Variants in NAA15 observed in about 807,000 individuals in gnomAD.
NAA15 encodes the protein N-alpha-acetyltransferase 15, NatA auxiliary subunit.
Under a neutral mutation model 114.0 loss-of-function variants are expected in NAA15, and 34 were observed. The observed-to-expected ratio is 0.30, with a 90% CI of 0.23 to 0.40. The LOEUF is 0.40. Ranked by LOEUF, NAA15 falls within the 10% of genes least tolerant of loss-of-function variation. The pLI, the probability that NAA15 is intolerant of heterozygous loss-of-function variation, is 1.00. For synonymous variants in NAA15, 340 were observed against 338.0 expected (o/e 1.01, Z -0.06); for missense variants, 658 against 1,004.5 (o/e 0.66, Z 4.66).
chr4:139,325,158 A>G (rs1746755002), intron 1 of NAA15, among the ~76,000 whole-genome samples: 1 of 151,872 alleles, frequency 6.6e-6, no homozygotes, highest in South Asian at 2.1e-4. Context: ...TTTGGAGGGG[A>G]TTATCTAGTT....
At chr4:139,371,507 A>G (rs1337798090) in intron 15 of NAA15, among the ~76,000 whole-genome samples, 9 of 126,666 alleles carry the variant, frequency 7.1e-5, no homozygotes, top group African/African-American at 4.2e-4. Flanking sequence ...GCACACACAC[A>G]CACACACACA....
chr4:139,329,467 G>T lies in NAA15; in HGVS notation c.55-4707G>T, dbSNP rs558440849. Among the ~76,000 whole-genome samples the T allele has an allele frequency of 5.9e-5, 9 of 152,206 alleles. No homozygotes were observed. The South Asian group carries it at 1.2e-3, about 21-fold the overall frequency. On this transcript the variant is annotated intron_variant, in intron 1 of 19. Transcript: ENST00000296543. ...AAGAGTGGTGTTGGACTTTGTTGTG[G>T]TGCACAGTGAAGATGCTTGTCTGTC... is the stretch of plus-strand genomic sequence containing the variant.
chr4:139,311,274 G>C (rs146931719), intron 1 of NAA15, among the ~76,000 whole-genome samples: 1 of 151,996 alleles, frequency 6.6e-6, no homozygotes, highest in Non-Finnish European at 1.5e-5. Flanking sequence ...GTCTGTTAAT[G>C]GCTCTATTCA....
chr4:139,380,223 G>A (rs889597994), intron 17 of NAA15, among the ~76,000 whole-genome samples: 2 of 150,540 alleles, frequency 1.3e-5, no homozygotes, highest in South Asian at 4.3e-4. Context: ...GGAGAGAATT[G>A]CTGTATTTAG....
chr4:139,353,232 T>C (rs776294405), intron 9 of NAA15, among the ~76,000 whole-genome samples: 6 of 152,214 alleles, frequency 3.9e-5, no homozygotes, highest in Non-Finnish European at 8.8e-5. Context: ...GATTCAAAGA[T>C]GTTTGAGAAA....
intron 1 of NAA15, among the ~76,000 whole-genome samples, chr4:139,327,202 G>T (rs1224196081): frequency 6.6e-6 from 1 of 152,054 alleles, no homozygotes; most frequent in African/African-American, 2.4e-5. Context: ...CTTCCAAAGT[G>T]TTGCAATTAT....
At chr4:139,356,733 G>A (rs1046014332) in intron 10 of NAA15, 1 of 151,882 alleles carries the variant, frequency 6.6e-6, no homozygotes, top group Admixed American at 6.6e-5. Context: ...TTAACGTGTG[G>A]GTTGTATATT....
At chr4:139,341,191 C>A in intron 4 of NAA15, 122 bp downstream of exon 4, 1 of 666,084 alleles carries the variant, frequency 1.5e-6, no homozygotes, top group Non-Finnish European at 2.3e-6. Context: ...TTTTTTTTTC[C>A]TCCTACCACA....
At chr4:139,372,047 C>T (rs1187421391) in intron 15 of NAA15, among the ~76,000 whole-genome samples, 1 of 152,150 alleles carries the variant, frequency 6.6e-6, no homozygotes, top group Non-Finnish European at 1.5e-5. Flanking sequence ...TCCCAAGTAG[C>T]TGGGACTACA....
At chr4:139,355,715 G>A (rs1747928689) in intron 10 of NAA15, among the ~76,000 whole-genome samples, 2 of 152,128 alleles carry the variant, frequency 1.3e-5, no homozygotes, top group Admixed American at 1.3e-4. Context: ...TAATGGACAG[G>A]TCCAACTAGA....
chr4:139,341,180 A>G, intron 4 of NAA15, 111 bp downstream of exon 4: 1 of 786,992 alleles, frequency 1.3e-6, no homozygotes, highest in Non-Finnish European at 1.8e-6. Context: ...ATTTAATTGA[A>G]TTTTTTTTTC....
At chr4:139,357,228 C>T (rs1747986007) in intron 10 of NAA15, among the ~76,000 whole-genome samples, 158 bp from the exon 11 acceptor site, 1 of 152,160 alleles carries the variant, frequency 6.6e-6, no homozygotes, top group African/African-American at 2.4e-5. Flanking sequence ...ATGGACCTTT[C>T]CAAAGATCTT....
chr4:139,347,009 A>G lies in NAA15; in HGVS notation c.692-2453A>G, dbSNP rs576788487. ...TAGTCTGGACTTGAACAAGGCTCAA[A>G]TGATCCTCCCCCCAAACCCCACCCC... On this transcript the variant is annotated intron_variant, in intron 6 of 19. Transcript: ENST00000296543. Among the ~76,000 whole-genome samples the G allele has an allele frequency of 1.6e-4, 24 of 152,128 alleles. No homozygotes were observed. In the South Asian group the frequency reaches 4.8e-3, roughly 30 times the overall value.
chr4:139,326,294 C>T (rs780044094), intron 1 of NAA15, among the ~76,000 whole-genome samples: 2 of 152,054 alleles, frequency 1.3e-5, no homozygotes, highest in Non-Finnish European at 2.9e-5. Context: ...CCTCCTGGAC[C>T]TCAGTTATCT....
rs1747122040 is a variant in NAA15, at chr4:139,334,169, G to A, written c.55-5G>A. ...AACTTAAATTTTTCTTTTTTGTTTT[G>A]ACAGAGGTGTTATGAACATAAACAG... On this transcript the variant is annotated splice_region_variant and splice_polypyrimidine_tract_variant and intron_variant, in intron 1 of 19. Transcript: ENST00000296543. The A allele has an allele frequency of 3.2e-6, 5 of 1,562,292 alleles. No individual in the cohort carries two copies. The highest frequency in any genetic ancestry group is 4.3e-6 in the Non-Finnish European group (5 of 1,156,872).
At chr4:139,382,890 A>G (rs1348405022) in intron 17 of NAA15, among the ~76,000 whole-genome samples, 1 of 152,190 alleles carries the variant, frequency 6.6e-6, no homozygotes, top group Non-Finnish European at 1.5e-5. Flanking sequence ...TTTCCTACTG[A>G]GTTCATTATA....
intron 1 of NAA15, among the ~76,000 whole-genome samples, chr4:139,313,201 G>T (rs1440909231): frequency 6.6e-6 from 1 of 151,862 alleles, no homozygotes; most frequent in Admixed American, 6.6e-5. Flanking sequence ...GCCTTGGTTG[G>T]TTGTCTCCTT....
chr4:139,325,419 T>A (rs1003094169), intron 1 of NAA15, among the ~76,000 whole-genome samples: 2 of 152,190 alleles, frequency 1.3e-5, no homozygotes, highest in African/African-American at 4.8e-5. Context: ...TAATCTGGGG[T>A]AAGTTACTTG....
At chr4:139,333,498 G>A (rs1236844933) in intron 1 of NAA15, among the ~76,000 whole-genome samples, 3 of 151,028 alleles carry the variant, frequency 2.0e-5, no homozygotes, top group East Asian at 3.9e-4. Flanking sequence ...TATTTTTTCC[G>A]TGTATTTTGC....
Sources: gnomAD v4.1 joint callset for allele counts (sites outside exome capture counted in the v4.1 genomes callset) on GRCh38, gnomAD v4.1.1 for gene constraint, MANE v1.5 for transcripts, NCBI Gene and HGNC (gene_info 2026-07-23, HGNC 2026-07-21) for gene names.